GRID1: variants seen among roughly 807,000 people sequenced by gnomAD.
GRID1 encodes the protein glutamate receptor ionotropic, delta-1.
GRID1 carries 28 observed loss-of-function variants against 98.0 expected under a neutral mutation model. That is an observed-to-expected ratio of 0.29 (90% CI 0.21 to 0.39). GRID1 has a LOEUF of 0.39. Among genes scored for constraint, GRID1 ranks in the 10% least tolerant of loss-of-function variants. GRID1 has a pLI of 1.00. For missense variants in GRID1, 1,111 were observed against 1,340.5 expected (o/e 0.83, Z 2.67); for synonymous variants, 553 against 538.5 (o/e 1.03, Z -0.37).
chr10:85,633,338 A>G (rs531421560), intron 13 of GRID1, among the ~76,000 whole-genome samples: 1 of 152,358 alleles, frequency 6.6e-6, no homozygotes, highest in South Asian at 2.1e-4. Context: ...CTGGTAAAAG[A>G]TGGATACGAG....
intron 4 of GRID1, among the ~76,000 whole-genome samples, chr10:86,121,541 TCACCA>T: frequency 6.6e-6 from 1 of 151,642 alleles, no homozygotes. Flanking sequence ...ATCATCACCA[TCACCA>T]TTATCTCACC....
Position 85,619,861 on chromosome 10 carries a change from G to A in GRID1, c.2360+6C>T, listed in dbSNP as rs1247186180. The A allele has an allele frequency of 1.2e-6, 2 of 1,612,138 alleles. No individual in the cohort carries two copies. The highest frequency in any genetic ancestry group is 1.7e-6 in the Non-Finnish European group (2 of 1,178,372). ...CAGCGGTAGTTACCTTGCTGCCCAA[G>A]CCTACCTCTGGGAGAAGAGGTCCCT... is the stretch of plus-strand genomic sequence containing the variant. On this transcript the variant is annotated splice_donor_region_variant and intron_variant, in intron 14 of 15. Transcript: ENST00000327946.
At chr10:85,743,116 C>A (rs565191811) in intron 8 of GRID1, among the ~76,000 whole-genome samples, 13 of 134,744 alleles carry the variant, frequency 9.6e-5, no homozygotes, top group Middle Eastern at 3.5e-3. Flanking sequence ...CCCCCCCCCC[C>A]ACCACCCATT....
At chr10:85,676,308 C>T (rs1841145145) in intron 12 of GRID1, among the ~76,000 whole-genome samples, 1 of 152,170 alleles carries the variant, frequency 6.6e-6, no homozygotes, top group Non-Finnish European at 1.5e-5. Context: ...CAGCCAGCAA[C>T]TGACTCACAT....
At chr10:86,210,170 A>T (rs1427984238) in intron 2 of GRID1, among the ~76,000 whole-genome samples, 1 of 152,172 alleles carries the variant, frequency 6.6e-6, no homozygotes, top group Non-Finnish European at 1.5e-5. Context: ...CCTCAAAGGA[A>T]GGAAGGGACT....
At chr10:86,352,438 C>T (rs896082924) in intron 2 of GRID1, among the ~76,000 whole-genome samples, 1 of 152,226 alleles carries the variant, frequency 6.6e-6, no homozygotes, top group Admixed American at 6.5e-5. Context: ...ACAGACAGTT[C>T]TGGAAGCTGA....
intron 4 of GRID1, among the ~76,000 whole-genome samples, chr10:86,038,133 T>C (rs1267547794): frequency 1.3e-5 from 2 of 152,156 alleles, no homozygotes; most frequent in Non-Finnish European, 2.9e-5. Context: ...TGCCAACACC[T>C]GGATTTTGAA....
At chr10:86,196,236 C>T (rs1371993720) in intron 3 of GRID1, among the ~76,000 whole-genome samples, 2 of 152,066 alleles carry the variant, frequency 1.3e-5, no homozygotes, top group African/African-American at 4.8e-5. Flanking sequence ...ATTCAAAACC[C>T]ACTGCTTCCC....
chr10:86,041,097 G>T (rs988610913), intron 4 of GRID1, among the ~76,000 whole-genome samples: 1 of 152,170 alleles, frequency 6.6e-6, no homozygotes, highest in African/African-American at 2.4e-5. Context: ...CATGTGTCAT[G>T]CAAGATGTGG....
At chr10:85,958,945 G>T (rs1192002622) in intron 4 of GRID1, among the ~76,000 whole-genome samples, 4 of 136,192 alleles carry the variant, frequency 2.9e-5, no homozygotes, top group African/African-American at 8.5e-5. Context: ...CTATGAGAGT[G>T]AAACTCCGTC....
chr10:85,728,523 G>A (rs925271839), intron 9 of GRID1, among the ~76,000 whole-genome samples: 2 of 152,232 alleles, frequency 1.3e-5, no homozygotes, highest in African/African-American at 4.8e-5. Flanking sequence ...ATACTAGAAA[G>A]TGGATATGGA....
chr10:85,616,818 C>A (rs1437112669), intron 14 of GRID1, among the ~76,000 whole-genome samples: 14 of 152,124 alleles, frequency 9.2e-5, no homozygotes, highest in Admixed American at 1.3e-4. Flanking sequence ...TTCTATTTTC[C>A]AGACAGATAT....
rs1452442302 is a variant in GRID1, at chr10:86,366,627, T to G, written c.-235A>C. The stretch of plus-strand genomic sequence containing the variant: ...GCTCCGGTGGCGGCTGCGGCGGTGC[T>G]GGCAGCTTGAGCCCAGGCCGGCGCG... On this transcript the variant is annotated 5_prime_UTR_variant, in exon 1 of 16. Coordinates refer to ENST00000327946, the MANE Select transcript of GRID1 (RefSeq NM_017551.3). This position sits in a 1 kb window ranked among gnomAD's most constrained non-coding sequence, Gnocchi z 4.1. 6.3e-6 allele frequency: 1 copy of G among 159,332 alleles called. No individual in the cohort carries two copies. The highest frequency in any genetic ancestry group is 1.4e-5 in the Non-Finnish European group (1 of 73,602). 9.9% of individuals were successfully genotyped at this position (159,332 alleles called of 1,614,324 possible). A position where few individuals can be genotyped will look rare whatever the true frequency, so the allele number is the denominator to read the frequency against.
Position 86,366,240 on chromosome 10 carries a change from A to G in GRID1, c.79+74T>C. On this transcript the variant is annotated intron_variant, in intron 1 of 15. Transcript: ENST00000327946. This position sits in a 1 kb window ranked among gnomAD's most constrained non-coding sequence, Gnocchi z 4.1. The stretch of plus-strand genomic sequence containing the variant: ...AGCCCCTCGGCCCAGGGAAACGCCA[A>G]GTTTGGACGCCGCGCACCCCCTGCC... 9.0e-7 allele frequency: 1 copy of G among 1,106,664 alleles called. No homozygotes were observed. Among genetic ancestry groups the G allele is most frequent in the Non-Finnish European group, 1.2e-6 (1 of 802,624 alleles). The allele number at this position is 1,106,664 out of a possible 1,614,324, so 68.6% of individuals were successfully genotyped here.
At chr10:85,704,883 G>T (rs966193979) in intron 12 of GRID1, among the ~76,000 whole-genome samples, 2 of 152,166 alleles carry the variant, frequency 1.3e-5, no homozygotes, top group Non-Finnish European at 2.9e-5. Context: ...GGTACATAAC[G>T]AAAGGAAGGC....
chr10:85,954,245 G>C (rs573040517), intron 4 of GRID1, among the ~76,000 whole-genome samples: 1 of 152,330 alleles, frequency 6.6e-6, no homozygotes, highest in East Asian at 1.9e-4. Context: ...GATGGCAATA[G>C]AGGATGTTCA....
intron 4 of GRID1, among the ~76,000 whole-genome samples, chr10:86,127,052 G>A (rs1166992934): frequency 6.6e-6 from 1 of 152,222 alleles, no homozygotes; most frequent in Admixed American, 6.5e-5. Flanking sequence ...TAGTTCATGT[G>A]GTAGCCTGGA....
intron 14 of GRID1, among the ~76,000 whole-genome samples, chr10:85,616,698 G>A (rs547288145): frequency 8.5e-5 from 13 of 152,242 alleles, no homozygotes; most frequent in South Asian, 4.2e-4. Flanking sequence ...AACAAGTCAC[G>A]GGTACAAAAT....
At chr10:85,754,092 C>T (rs1040712427) in intron 8 of GRID1, among the ~76,000 whole-genome samples, 2 of 152,202 alleles carry the variant, frequency 1.3e-5, no homozygotes, top group Admixed American at 6.5e-5. Context: ...CAATTTCACT[C>T]ATGAGAGCAC....
Sources: allele counts gnomAD v4.1 joint callset (sites outside exome capture counted in the v4.1 genomes callset), GRCh38; gene constraint gnomAD v4.1.1; non-coding constraint Gnocchi (gnomAD v3.1); transcripts MANE v1.5; gene names NCBI Gene and HGNC (gene_info 2026-07-23, HGNC 2026-07-21).